Variants in PPP1R21 observed in about 807,000 individuals in gnomAD.
PPP1R21 encodes protein phosphatase 1 regulatory subunit 21.
A neutral mutation model predicts 112.8 loss-of-function variants in PPP1R21; 85 were observed. That is an observed-to-expected ratio of 0.75 (90% CI 0.63 to 0.90). The LOEUF (loss-of-function observed/expected upper bound fraction) is 0.90, where lower values mean the gene tolerates loss of function less well. Among genes scored for constraint, PPP1R21 ranks in the 40% least tolerant of loss-of-function variants. The pLI is 0.00. For synonymous variants in PPP1R21, 381 were observed against 322.3 expected (o/e 1.18, Z -1.95); for missense variants, 1,199 against 901.5 (o/e 1.33, Z -4.23).
chr2:48,506,545 G>A (rs531166583), intron 18 of PPP1R21, among the ~76,000 whole-genome samples: 47 of 152,272 alleles, frequency 3.1e-4, no homozygotes, highest in Non-Finnish European at 5.7e-4. Context: ...GAACTTCTGC[G>A]TGTATTTTTA....
intron 13 of PPP1R21, among the ~76,000 whole-genome samples, chr2:48,482,485 A>AT (rs1248428457): frequency 6.6e-6 from 1 of 152,162 alleles, no homozygotes; most frequent in Non-Finnish European, 1.5e-5. Context: ...ACAGCCTATG[A>AT]TTTTTTATAA....
At chr2:48,445,350 T>C (rs1667202844) in intron 1 of PPP1R21, among the ~76,000 whole-genome samples, 1 of 152,146 alleles carries the variant, frequency 6.6e-6, no homozygotes, top group Non-Finnish European at 1.5e-5. Flanking sequence ...AACTGAATTT[T>C]AGGTTTTATT....
intron 10 of PPP1R21, 39 bp from the exon 11 acceptor site, chr2:48,471,240 A>G (rs1668483987): frequency 6.2e-7 from 1 of 1,609,238 alleles, no homozygotes; most frequent in South Asian, 1.1e-5. Context: ...CTCTTTGTCC[A>G]GTAGCACTTT....
At chr2:48,441,304 G>T in intron 1 of PPP1R21, 1 of 490,924 alleles carries the variant, frequency 2.0e-6, no homozygotes, top group Non-Finnish European at 3.7e-6. Flanking sequence ...CTGGCTTCTT[G>T]CCTCTAATGC....
intron 12 of PPP1R21, among the ~76,000 whole-genome samples, chr2:48,477,895 G>C (rs1470330479): frequency 6.6e-6 from 1 of 152,112 alleles, no homozygotes; most frequent in Non-Finnish European, 1.5e-5. Flanking sequence ...ATCTCCTGTG[G>C]AGATGGGATC....
chr2:48,505,477 G>C, intron 17 of PPP1R21, 87 bp from the exon 18 acceptor site: 1 of 976,626 alleles, frequency 1.0e-6, no homozygotes, highest in South Asian at 1.4e-5. Context: ...TCTGTGAACG[G>C]AGAGGAGAAA....
At chr2:48,493,234 T>C (rs918857831) in intron 15 of PPP1R21, among the ~76,000 whole-genome samples, 17 of 152,160 alleles carry the variant, frequency 1.1e-4, no homozygotes, top group African/African-American at 3.9e-4. Flanking sequence ...CTTGATCTCC[T>C]GACCTCCTGA....
At chr2:48,481,458 A>C (rs7608588) in intron 13 of PPP1R21, among the ~76,000 whole-genome samples, 146,975 of 152,292 alleles carry the variant, frequency 0.97, 71,114 homozygotes, top group Middle Eastern at 0.99. Flanking sequence ...TTTTCCTGTG[A>C]GGCTTTTGGT....
chr2:48,448,960 G>A (rs1254681324), intron 1 of PPP1R21, among the ~76,000 whole-genome samples: 2 of 151,624 alleles, frequency 1.3e-5, no homozygotes, highest in East Asian at 1.9e-4. Flanking sequence ...TTTAAAAATA[G>A]CCTGCCAATT....
chr2:48,450,852 A>G lies in PPP1R21; in HGVS notation c.58-156A>G, dbSNP rs945245711. On this transcript the variant is annotated intron_variant, in intron 1 of 21. Coordinates refer to ENST00000294952, the MANE Select transcript of PPP1R21 (RefSeq NM_001135629.3). The stretch of plus-strand genomic sequence containing the variant: ...GTAAAATGGTGAATTATTGTTATCT[A>G]CTACCCTCTTTGGGTCTAATACTTT... Among the ~76,000 whole-genome samples the G allele has an allele frequency of 3.3e-5, 5 of 152,016 alleles. No individual in the cohort carries two copies. In the East Asian group the frequency reaches 7.7e-4, roughly 23 times the overall value.
intron 4 of PPP1R21, among the ~76,000 whole-genome samples, chr2:48,458,682 A>G (rs988862526): frequency 6.6e-6 from 1 of 151,178 alleles, no homozygotes; most frequent in Admixed American, 6.6e-5. Context: ...GAGGGTATGA[A>G]CCATGTATGT....
chr2:48,512,027 A>G (rs1452695930), intron 21 of PPP1R21, among the ~76,000 whole-genome samples: 2 of 152,158 alleles, frequency 1.3e-5, no homozygotes, highest in East Asian at 1.9e-4. Context: ...CATTTTTGGC[A>G]TTTCTCCTAC....
In PPP1R21 at chr2:48,498,667, T is replaced by G; in HGVS notation, c.1867T>G (p.Ser623Ala). The stretch of plus-strand genomic sequence containing the variant: ...GCTGGCCCAGGAAAATGCTGCTGTG[T>G]CAAATACTGCTGGCCAGGATGAAGC... ...VGLAQENAAV[S>A]NTAGQDEATA... is the part of the protein sequence containing the mutation. Residue 623 changes from serine to alanine, a missense_variant, in exon 17 of 22, where the codon TCA becomes GCA. Coordinates refer to ENST00000294952, the MANE Select transcript of PPP1R21 (RefSeq NM_001135629.3). 1 of 1,614,252 alleles carries G rather than the reference T, an allele frequency of 6.2e-7. No individual in the cohort carries two copies. Among genetic ancestry groups the G allele is most frequent in the Non-Finnish European group, 8.5e-7 (1 of 1,180,032 alleles).
intron 2 of PPP1R21, among the ~76,000 whole-genome samples, chr2:48,454,064 G>A (rs1390776463): frequency 1.3e-5 from 2 of 152,222 alleles, no homozygotes; most frequent in East Asian, 3.9e-4. Context: ...TTTGAGACCA[G>A]CCTGTCCAAC....
chr2:48,476,560 C>T (rs1338722728), intron 12 of PPP1R21, among the ~76,000 whole-genome samples: 3 of 152,178 alleles, frequency 2.0e-5, no homozygotes, highest in African/African-American at 7.2e-5. Context: ...ATTTTACATT[C>T]CTACTAGCAG....
intron 11 of PPP1R21, among the ~76,000 whole-genome samples, chr2:48,472,507 T>G (rs957104169): frequency 6.6e-6 from 1 of 151,256 alleles, no homozygotes; most frequent in Non-Finnish European, 1.5e-5. Flanking sequence ...ATGCCTGTAG[T>G]CCCAGCTACT....
At chr2:48,444,799 T>C (rs1315899931) in intron 1 of PPP1R21, among the ~76,000 whole-genome samples, 1 of 152,126 alleles carries the variant, frequency 6.6e-6, no homozygotes, top group African/African-American at 2.4e-5. Context: ...TGAAAATCAT[T>C]GATCAAGGAA....
Position 48,495,680 on chromosome 2 carries a change from C to G in PPP1R21, c.1601C>G (p.Pro534Arg), listed in dbSNP as rs1669803827. The change falls in exon 16 of 22, where the codon CCC becomes CGC. Residue 534 changes from proline (P) to arginine (R), a missense_variant and splice_region_variant. Pro to Arg is a moderately radical substitution (Grantham distance 103). Coordinates refer to ENST00000294952, the MANE Select transcript of PPP1R21 (RefSeq NM_001135629.3). ...AAAYMKSLRK[P>R]LLESVPYEEA... Reference sequence around the variant, plus strand: ...ATTCTTATGATGCTTTTATCATAGCCCCTCTTGGAGTCTGTGCCTTATGAA... The same window carrying G: ...ATTCTTATGATGCTTTTATCATAGCGCCTCTTGGAGTCTGTGCCTTATGAA... The G allele has an allele frequency of 1.3e-6, 2 of 1,579,160 alleles. No homozygotes were observed. The highest frequency in any genetic ancestry group is 1.7e-6 in the Non-Finnish European group (2 of 1,149,096).
chr2:48,453,523 A>G (rs1350955322), intron 2 of PPP1R21, among the ~76,000 whole-genome samples: 1 of 152,188 alleles, frequency 6.6e-6, no homozygotes, highest in Non-Finnish European at 1.5e-5. Context: ...TTACATGGCC[A>G]TCTGTGTTTG....
Sources: gnomAD v4.1 joint callset for allele counts (sites outside exome capture counted in the v4.1 genomes callset) on GRCh38, gnomAD v4.1.1 for gene constraint, MANE v1.5 for transcripts, NCBI Gene and HGNC (gene_info 2026-07-23, HGNC 2026-07-21) for gene names.